Variants in CFAP20DC observed in about 807,000 individuals in gnomAD.
CFAP20DC encodes the protein protein CFAP20DC.
In CFAP20DC, 84 loss-of-function variants were observed where a neutral mutation model predicts 101.7. The observed-to-expected ratio is 0.83, with a 90% CI of 0.69 to 0.99. CFAP20DC has a LOEUF of 0.99. Ranked by LOEUF, CFAP20DC falls within the 50% of genes least tolerant of loss-of-function variation. The probability of loss-of-function intolerance (pLI) is 0.00; values close to 1 mark genes in which losing one functional copy is unlikely to be tolerated. For missense variants in CFAP20DC, 1,007 were observed against 970.3 expected, an observed-to-expected ratio of 1.04 and a Z score of -0.50; for synonymous variants, 359 against 351.2, an observed-to-expected ratio of 1.02 and a Z score of -0.25.
intron 15 of CFAP20DC, among the ~76,000 whole-genome samples, chr3:58,771,533 T>C (rs2107499315): frequency 6.6e-6 from 1 of 152,180 alleles, no homozygotes; most frequent in South Asian, 2.1e-4. Context: ...CCCCCAAATA[T>C]GCCATATTAG....
At chr3:59,020,756 G>C (rs1221550695) in intron 4 of CFAP20DC, among the ~76,000 whole-genome samples, 2 of 152,058 alleles carry the variant, frequency 1.3e-5, no homozygotes, top group African/African-American at 4.8e-5. Flanking sequence ...GTTCTGATGA[G>C]ACTCTTGCTC....
rs113808826 is a variant in CFAP20DC at position 58,833,356 on chromosome 3, G to A, written c.1972-1467C>T. On this transcript the variant is annotated intron_variant, in intron 13 of 16. Coordinates refer to ENST00000482387, the MANE Select transcript of CFAP20DC (RefSeq NM_001394063.1). ...TTTCAGAGTTCTTGGGCCAAAATACGTATCACAAGAAGAAGAATAAAATGT... is the reference window on the plus strand; with the variant it reads ...TTTCAGAGTTCTTGGGCCAAAATACATATCACAAGAAGAAGAATAAAATGT... 2.6e-5 allele frequency among the ~76,000 whole-genome samples: 4 copies of A among 152,030 alleles called. No individual in the cohort carries two copies. The East Asian group carries it at 5.8e-4, about 22-fold the overall frequency.
chr3:58,871,631 C>T (rs1038415097), intron 7 of CFAP20DC, among the ~76,000 whole-genome samples: 1 of 151,436 alleles, frequency 6.6e-6, no homozygotes, highest in African/African-American at 2.4e-5. Flanking sequence ...TGGGTTCAAG[C>T]GATTCTCATG....
At position 58,799,708 on chromosome 3, in the gene CFAP20DC, AGTGT is replaced by A. The variant is rs1221274795; in HGVS notation, c.2237+6683_2237+6686del. Among the ~76,000 whole-genome samples, 1 of 146,192 alleles carries A rather than the reference AGTGT, an allele frequency of 6.8e-6. No homozygotes were observed. The highest frequency in any genetic ancestry group is 1.5e-5 in the Non-Finnish European group (1 of 66,804). On this transcript the variant is annotated intron_variant, in intron 15 of 16. Coordinates refer to ENST00000482387, the MANE Select transcript of CFAP20DC (RefSeq NM_001394063.1). The surrounding 1 kb of genome is among the most constrained non-coding windows in gnomAD (Gnocchi z 4.9). ...TACATTCCAGCATTCGAGAAGGAGCAGTGTGTGTGTGTCTGTGTGTGTGTCTGTG... is the reference window on the plus strand; with the variant it reads ...TACATTCCAGCATTCGAGAAGGAGCAGTGTGTGTCTGTGTGTGTGTCTGTG...
intron 13 of CFAP20DC, among the ~76,000 whole-genome samples, chr3:58,846,623 C>G (rs1575890668): frequency 6.6e-6 from 1 of 151,566 alleles, no homozygotes; most frequent in Non-Finnish European, 1.5e-5. Flanking sequence ...CCATCCCCAT[C>G]AAGCTACCAA....
At chr3:58,787,779 T>G (rs933542725) in intron 15 of CFAP20DC, among the ~76,000 whole-genome samples, 1 of 152,102 alleles carries the variant, frequency 6.6e-6, no homozygotes, top group Admixed American at 6.6e-5. Context: ...AAATGTGGCA[T>G]GTATACACCA....
intron 14 of CFAP20DC, among the ~76,000 whole-genome samples, chr3:58,812,970 C>T (rs1473765497): frequency 6.6e-6 from 1 of 151,816 alleles, no homozygotes; most frequent in Admixed American, 6.6e-5. Flanking sequence ...GGAACTAATG[C>T]TGCAGTTCAA....
At chr3:58,943,341 G>A (rs1245270535) in intron 4 of CFAP20DC, among the ~76,000 whole-genome samples, 1 of 152,152 alleles carries the variant, frequency 6.6e-6, no homozygotes, top group Non-Finnish European at 1.5e-5. Flanking sequence ...GCGTCTGGCA[G>A]GTGCCCCTCT....
chr3:58,735,024 C>A (rs1458833427), intron 3 of CFAP20DC, among the ~76,000 whole-genome samples: 2 of 152,132 alleles, frequency 1.3e-5, no homozygotes, highest in African/African-American at 4.8e-5. Flanking sequence ...TCACCAGGGG[C>A]TACTATAAAT....
chr3:58,811,809 G>C (rs938992558), intron 14 of CFAP20DC, among the ~76,000 whole-genome samples: 1 of 150,602 alleles, frequency 6.6e-6, no homozygotes, highest in African/African-American at 2.4e-5. Context: ...CTGCTCATCT[G>C]ACAAAGGGCT....
At chr3:58,816,989 C>T (rs1440874370) in intron 14 of CFAP20DC, among the ~76,000 whole-genome samples, 2 of 152,124 alleles carry the variant, frequency 1.3e-5, no homozygotes, top group African/African-American at 4.8e-5. Context: ...GCCCCTGACC[C>T]CCGAGCAGCC....
chr3:58,994,263 A>G (rs2093038313), intron 4 of CFAP20DC, among the ~76,000 whole-genome samples: 1 of 152,136 alleles, frequency 6.6e-6, no homozygotes, highest in African/African-American at 2.4e-5. Flanking sequence ...TGGACTTTGC[A>G]TTTTCTTAAA....
At chr3:59,012,696 CCTCTT>C (rs1409150904) in intron 4 of CFAP20DC, among the ~76,000 whole-genome samples, 2 of 152,100 alleles carry the variant, frequency 1.3e-5, no homozygotes, top group Non-Finnish European at 2.9e-5. Flanking sequence ...TACAAATTGG[CCTCTT>C]CCACCAGACT....
At chr3:58,917,381 A>G (rs2084850914) in intron 5 of CFAP20DC, among the ~76,000 whole-genome samples, 1 of 152,188 alleles carries the variant, frequency 6.6e-6, no homozygotes, top group Admixed American at 6.5e-5. Context: ...CTCTGCCATT[A>G]CTATAGAAAA....
At chr3:58,764,102 C>T (rs1056401590) in intron 15 of CFAP20DC, among the ~76,000 whole-genome samples, 1 of 152,166 alleles carries the variant, frequency 6.6e-6, no homozygotes, top group Non-Finnish European at 1.5e-5. Flanking sequence ...GTTTCTGCTG[C>T]CTTTTGTTTG....
intron 15 of CFAP20DC, among the ~76,000 whole-genome samples, chr3:58,802,258 A>T (rs1031373817): frequency 6.6e-6 from 1 of 152,250 alleles, no homozygotes; most frequent in Non-Finnish European, 1.5e-5. Context: ...ATGGCATTTT[A>T]AAATAAATGA....
intron 4 of CFAP20DC, among the ~76,000 whole-genome samples, chr3:59,027,985 A>C (rs1274797898): frequency 6.6e-6 from 1 of 152,264 alleles, no homozygotes; most frequent in African/African-American, 2.4e-5. Context: ...AAGCAAGTCA[A>C]GATGATTTTT....
chr3:58,838,889 G>C (rs571297751), intron 13 of CFAP20DC, among the ~76,000 whole-genome samples: 254 of 152,276 alleles, frequency 1.7e-3, no homozygotes, highest in Non-Finnish European at 3.1e-3. Context: ...CTATATTCAA[G>C]GATATGCCAT....
chr3:58,995,348 T>C (rs1392769109), intron 4 of CFAP20DC, among the ~76,000 whole-genome samples: 5 of 147,150 alleles, frequency 3.4e-5, no homozygotes, highest in African/African-American at 1.0e-4. Context: ...TTGCAATCCA[T>C]CAGAAATGAT....
Sources: allele counts gnomAD v4.1 joint callset (sites outside exome capture counted in the v4.1 genomes callset), GRCh38; gene constraint gnomAD v4.1.1; non-coding constraint Gnocchi (gnomAD v3.1); transcripts MANE v1.5; gene names NCBI Gene and HGNC (gene_info 2026-07-23, HGNC 2026-07-21).